The following SLC6A15 variants were observed in gnomAD, a reference collection of about 807,000 sequenced individuals.
The protein encoded by SLC6A15 is sodium-dependent neutral amino acid transporter B(0)AT2.
In SLC6A15, 33 loss-of-function variants were observed where a neutral mutation model predicts 68.5. The observed-to-expected ratio is 0.48, with a 90% CI of 0.37 to 0.64. SLC6A15 has a LOEUF of 0.64. Among genes scored for constraint, SLC6A15 ranks in the 30% least tolerant of loss-of-function variants. The pLI is 0.00. For missense variants in SLC6A15, 747 were observed against 874.3 expected, an observed-to-expected ratio of 0.85 and a Z score of 1.84; for synonymous variants, 347 against 301.0, an observed-to-expected ratio of 1.15 and a Z score of -1.58.
At chr12:84,890,951 CATAA>C (rs1180898977) in intron 2 of SLC6A15, among the ~76,000 whole-genome samples, 1 of 152,068 alleles carries the variant, frequency 6.6e-6, no homozygotes, top group Non-Finnish European at 1.5e-5. Flanking sequence ...TGTACGTGTA[CATAA>C]ATAATAATAT....
chr12:84,907,915 A>G (rs1346841892), intron 1 of SLC6A15, among the ~76,000 whole-genome samples: 1 of 152,244 alleles, frequency 6.6e-6, no homozygotes, highest in African/African-American at 2.4e-5. Context: ...ATGCTGAGTG[A>G]AAAAACATCA....
At chr12:84,894,122 T>G (rs1047907403) in intron 1 of SLC6A15, among the ~76,000 whole-genome samples, 1 of 152,152 alleles carries the variant, frequency 6.6e-6, no homozygotes, top group African/African-American at 2.4e-5. Flanking sequence ...TATTTTCCCC[T>G]ACAGCTCAGT....
rs776138579 is a variant in SLC6A15, at chr12:84,876,493, A to G, written c.867+4T>C. The G allele has an allele frequency of 6.1e-6, 9 of 1,469,664 alleles. No homozygotes were observed. Among genetic ancestry groups the G allele is most frequent in the African/African-American group, 1.4e-5 (1 of 70,928 alleles). The allele number at this position is 1,469,664 out of a possible 1,614,324, so 91.0% of individuals were successfully genotyped here. The stretch of plus-strand genomic sequence containing the variant: ...TAAGCCTTAAATAGAAATATGGTAC[A>G]TACCTTAGGGGTAAACATGTGGCGA... On this transcript the variant is annotated splice_donor_region_variant and intron_variant, in intron 6 of 11. Coordinates refer to ENST00000266682, the MANE Select transcript of SLC6A15 (RefSeq NM_182767.6).
chr12:84,875,214 A>ATAAG (rs1451990272), intron 6 of SLC6A15, among the ~76,000 whole-genome samples: 1 of 152,186 alleles, frequency 6.6e-6, no homozygotes, highest in Non-Finnish European at 1.5e-5. Flanking sequence ...TATTATACAT[A>ATAAG]TAAGTATTTT....
In SLC6A15 at chr12:84,860,212, A is replaced by G. The variant is rs1870787349; in HGVS notation, c.*1420T>C. ...ATATGGCATGTGTATTACCTCACTT[A>G]TTTTGCTGCTATATCCATCATTGTT... is the stretch of plus-strand genomic sequence containing the variant. On this transcript the variant is annotated 3_prime_UTR_variant, in exon 12 of 12. Transcript: ENST00000266682. 1 of 151,998 alleles carries G rather than the reference A, an allele frequency of 6.6e-6. No individual in the cohort carries two copies. The highest frequency in any genetic ancestry group is 1.5e-5 in the Non-Finnish European group (1 of 67,922). The allele number at this position is 151,998 out of a possible 1,614,324, so 9.4% of individuals were successfully genotyped here.
At chr12:84,910,949 G>GTT (rs1383112189) in intron 1 of SLC6A15, among the ~76,000 whole-genome samples, 3 of 142,742 alleles carry the variant, frequency 2.1e-5, no homozygotes, top group Admixed American at 6.7e-5. Context: ...GTGTGTGTGT[G>GTT]TGTGTCTTTA....
At chr12:84,868,445 T>C (rs1295948074) in intron 9 of SLC6A15, among the ~76,000 whole-genome samples, 1 of 152,174 alleles carries the variant, frequency 6.6e-6, no homozygotes, top group Non-Finnish European at 1.5e-5. Flanking sequence ...AGTTTGGATC[T>C]GCACCCAAAT....
chr12:84,869,187 C>T (rs1173714602), intron 9 of SLC6A15, among the ~76,000 whole-genome samples: 4 of 152,018 alleles, frequency 2.6e-5, no homozygotes, highest in Admixed American at 1.3e-4. Context: ...GAGCTGGGCA[C>T]GGTGGCTCAC....
chr12:84,904,137 C>T (rs1873016683), intron 1 of SLC6A15, among the ~76,000 whole-genome samples: 1 of 150,126 alleles, frequency 6.7e-6, no homozygotes, highest in African/African-American at 2.5e-5. Context: ...GGAAGCTAGG[C>T]ACCATGTAAA....
At position 84,861,390 on chromosome 12, in the gene SLC6A15, AT is replaced by A; in HGVS notation, c.*241del. On this transcript the variant is annotated 3_prime_UTR_variant, in exon 12 of 12. Transcript: ENST00000266682. ...ATACACCAAAGGTACTTAAAAAAAA[AT>A]CCTGGCAAACATGTACCTCAGCCCT... The A allele has an allele frequency of 2.6e-6, 1 of 380,030 alleles. No individual in the cohort carries two copies. Among genetic ancestry groups the A allele is most frequent in the Non-Finnish European group, 4.7e-6 (1 of 214,624 alleles). The allele number at this position is 380,030 out of a possible 1,614,324, so 23.5% of individuals were successfully genotyped here. A position where few individuals can be genotyped will look rare whatever the true frequency, so the allele number is the denominator to read the frequency against.
In SLC6A15 at chr12:84,876,337, T is replaced by C. The variant is rs542362572; in HGVS notation, c.867+160A>G. ...GGAGATAAATGGCTATAATTATACATAAAAAATGCTGGTTTTTCCTAGACT... is the reference window on the plus strand; with the variant it reads ...GGAGATAAATGGCTATAATTATACACAAAAAATGCTGGTTTTTCCTAGACT... On this transcript the variant is annotated intron_variant, in intron 6 of 11. Transcript: ENST00000266682. Among the ~76,000 whole-genome samples the C allele has an allele frequency of 6.6e-5, 10 of 152,218 alleles. No homozygotes were observed. In the East Asian group the frequency reaches 1.2e-3, roughly 18 times the overall value.
chr12:84,870,038 A>G (rs1871219525), intron 9 of SLC6A15, among the ~76,000 whole-genome samples: 1 of 151,928 alleles, frequency 6.6e-6, no homozygotes, highest in Non-Finnish European at 1.5e-5. Flanking sequence ...GTAAATTACT[A>G]CTGCTGCTGT....
rs1035073424 is a variant in SLC6A15, at chr12:84,885,551, A to G, written c.458T>C (p.Phe153Ser). ...GATGACGTTGTAGTAGAGAGCTACA[A>G]AATAGCACACCTGCAAAATAAAATG... is the stretch of plus-strand genomic sequence containing the variant. ...IGFASCVVCY[F>S]VALYYNVIIG... Residue 153 changes from phenylalanine (F) to serine (S), a missense_variant, in exon 4 of 12, where the codon TTT (phenylalanine) becomes TCT (serine). Transcript: ENST00000266682. The G allele has an allele frequency of 1.9e-6, 3 of 1,612,808 alleles. No individual in the cohort carries two copies. Among genetic ancestry groups the G allele is most frequent in the Non-Finnish European group, 2.5e-6 (3 of 1,179,498 alleles).
intron 5 of SLC6A15, chr12:84,881,759 C>T (rs1003266968): frequency 5.6e-6 from 5 of 898,650 alleles, no homozygotes; most frequent in Non-Finnish European, 6.7e-6. Flanking sequence ...TATTTGGAGG[C>T]ATTTTCTGTT....
intron 10 of SLC6A15, among the ~76,000 whole-genome samples, chr12:84,865,851 T>C (rs1871041755): frequency 6.6e-6 from 1 of 152,208 alleles, no homozygotes; most frequent in Non-Finnish European, 1.5e-5. Context: ...GGATATCTTG[T>C]TTGCCTCCAA....
At chr12:84,892,462 T>C (rs941276448) in intron 1 of SLC6A15, among the ~76,000 whole-genome samples, 154 bp from the exon 2 acceptor site, 9 of 152,184 alleles carry the variant, frequency 5.9e-5, no homozygotes, top group Non-Finnish European at 1.3e-4. Flanking sequence ...TTCCCGTAAG[T>C]ATAAGAATTT....
intron 2 of SLC6A15, among the ~76,000 whole-genome samples, chr12:84,887,907 A>G (rs1340033738): frequency 1.3e-5 from 2 of 151,904 alleles, no homozygotes; most frequent in Non-Finnish European, 2.9e-5. Context: ...ATATCTACCC[A>G]AAGGAAGAAA....
At chr12:84,880,984 G>T in intron 5 of SLC6A15, 1 of 534,284 alleles carries the variant, frequency 1.9e-6, no homozygotes, top group Non-Finnish European at 2.4e-6. Context: ...TTTTCCCTGA[G>T]CTTGTCAACT....
At chr12:84,873,748 G>T (rs59978302) in intron 6 of SLC6A15, among the ~76,000 whole-genome samples, 19,171 of 152,092 alleles carry the variant, frequency 0.13, 1,336 homozygotes, top group South Asian at 0.27. Flanking sequence ...TGTGTTTTCT[G>T]CTGTTAATCT....
Sources: allele counts gnomAD v4.1 joint callset (sites outside exome capture counted in the v4.1 genomes callset), GRCh38; gene constraint gnomAD v4.1.1; transcripts MANE v1.5; gene names NCBI Gene and HGNC (gene_info 2026-07-23, HGNC 2026-07-21).